ADGB: variants seen among roughly 807,000 people sequenced by gnomAD.
The protein encoded by ADGB is calpain-7-like protein.
Under a neutral mutation model 210.5 loss-of-function variants are expected in ADGB, and 172 were observed. That is an observed-to-expected ratio of 0.82 (90% CI 0.72 to 0.93). ADGB has a LOEUF of 0.93. Ranked by LOEUF, ADGB falls within the 40% of genes least tolerant of loss-of-function variation. ADGB has a pLI of 0.00. For missense variants in ADGB, 2,025 were observed against 1,964.8 expected (o/e 1.03, Z -0.58); for synonymous variants, 658 against 662.7 (o/e 0.99, Z 0.11).
At position 146,736,575 on chromosome 6, in the gene ADGB, G is replaced by A. The variant is rs1482019677; in HGVS notation, c.2872G>A (p.Ala958Thr). The change falls in exon 23 of 36, where the codon GCA becomes ACA. Residue 958 changes from alanine (A) to threonine (T), a missense_variant. Physicochemically the swap from Ala to Thr is moderately conservative, Grantham distance 58. Coordinates refer to ENST00000397944, the MANE Select transcript of ADGB (RefSeq NM_024694.4). ...ATTGGAAATGAATTTAGAACAGTATGCAGTTTCTCTCTTAAGGTAAAGCAG... is the reference window on the plus strand; with the variant it reads ...ATTGGAAATGAATTTAGAACAGTATACAGTTTCTCTCTTAAGGTAAAGCAG... ...AVLEMNLEQY[A>T]VSLLRLMFKS... is the part of the protein sequence containing the mutation. 2 of 1,547,492 alleles carry A rather than the reference G, an allele frequency of 1.3e-6. No homozygotes were observed. Among genetic ancestry groups the A allele is most frequent in the African/African-American group, 1.4e-5 (1 of 72,982 alleles).
intron 1 of ADGB, among the ~76,000 whole-genome samples, chr6:146,631,776 A>C (rs1402121773): frequency 6.6e-6 from 1 of 152,214 alleles, no homozygotes; most frequent in East Asian, 1.9e-4. Flanking sequence ...ATAAAAATGA[A>C]GCAATATGAA....
At chr6:146,664,407 AT>A in intron 6 of ADGB, 67 bp downstream of exon 6, 1 of 1,401,450 alleles carries the variant, frequency 7.1e-7, no homozygotes, top group Non-Finnish European at 9.4e-7. Context: ...ATACATTTGT[AT>A]TGCATAATTT....
At chr6:146,729,326 C>T (rs1776945409) in intron 20 of ADGB, among the ~76,000 whole-genome samples, 1 of 152,212 alleles carries the variant, frequency 6.6e-6, no homozygotes, top group South Asian at 2.1e-4. Context: ...ATTCTCTCTT[C>T]TTCAATTTTA....
Position 146,794,268 on chromosome 6 carries a change from T to G in ADGB, c.4537+5658T>G, listed in dbSNP as rs149758303. Among the ~76,000 whole-genome samples, 636 of 152,266 alleles carry G rather than the reference T, an allele frequency of 4.2e-3. 7 individuals are homozygous for G. The highest frequency in any genetic ancestry group is 0.015 in the African/African-American group (606 of 41,530). The stretch of plus-strand genomic sequence containing the variant: ...CTGGGTAGACAGAACTGGTTGTGTA[T>G]GTTAAAAAGGTTGTGAGTTTATTGT... On this transcript the variant is annotated intron_variant, in intron 33 of 35. Coordinates refer to ENST00000397944, the MANE Select transcript of ADGB (RefSeq NM_024694.4).
chr6:146,610,624 C>T (rs1780693473), intron 1 of ADGB, among the ~76,000 whole-genome samples: 1 of 152,160 alleles, frequency 6.6e-6, no homozygotes, highest in African/African-American at 2.4e-5. Flanking sequence ...CTAAGCTCAG[C>T]ACTCCTGAGC....
At chr6:146,622,395 G>A (rs1479949596) in intron 1 of ADGB, among the ~76,000 whole-genome samples, 1 of 151,612 alleles carries the variant, frequency 6.6e-6, no homozygotes, top group East Asian at 2.0e-4. Flanking sequence ...ACGTTTTTAT[G>A]ACAAGATCAG....
At chr6:146,637,189 T>A (rs1040521991) in intron 2 of ADGB, among the ~76,000 whole-genome samples, 1 of 151,946 alleles carries the variant, frequency 6.6e-6, no homozygotes, top group Non-Finnish European at 1.5e-5. Context: ...CTTTGTTTAT[T>A]TATTTTTTCC....
At chr6:146,809,863 T>C (rs548762747) in intron 35 of ADGB, among the ~76,000 whole-genome samples, 4 of 152,280 alleles carry the variant, frequency 2.6e-5, no homozygotes, top group African/African-American at 9.6e-5. Flanking sequence ...GCTTAGAAGA[T>C]TGCATACAGA....
At chr6:146,788,281 T>G in intron 32 of ADGB, 108 bp from the exon 33 acceptor site, 2 of 1,012,034 alleles carry the variant, frequency 2.0e-6, no homozygotes, top group Non-Finnish European at 3.0e-6. Context: ...TATAGAGCTT[T>G]TGAGTCATCT....
rs369931272 is a variant in ADGB, at chr6:146,635,443, G to A, written c.143G>A (p.Trp48Ter). The A allele has an allele frequency of 1.3e-6, 2 of 1,548,146 alleles. No homozygotes were observed. The highest frequency in any genetic ancestry group is 1.7e-6 in the Non-Finnish European group (2 of 1,145,180). ...CAAAAGAAGGGGAAATTCCCACTCT[G>A]GCCAGAGTGGAGTGAAGCTGACATA... ...TEQKKGKFPLWPEWSEADINS... is the reference protein window; with the variant it reads ...TEQKKGKFPL Residue 48 changes from tryptophan (W) to a stop codon, truncating the protein, a stop_gained, in exon 2 of 36, where the codon TGG becomes TAG. Transcript: ENST00000397944. LOFTEE classifies it high-confidence loss of function.
In ADGB at chr6:146,757,440, A is replaced by G. The variant is rs1477359017; in HGVS notation, c.3550+4726A>G. On this transcript the variant is annotated intron_variant, in intron 27 of 35. Transcript: ENST00000397944. ...CTGTTCCTTGACTGTTTAATTCTGC[A>G]TGGATCTTTGAACATACTCTATCTC... 4.6e-5 allele frequency among the ~76,000 whole-genome samples: 7 copies of G among 152,006 alleles called. No individual in the cohort carries two copies. In the East Asian group the frequency reaches 1.4e-3, roughly 29 times the overall value.
At chr6:146,776,934 C>A (rs1385534621) in intron 29 of ADGB, among the ~76,000 whole-genome samples, 1 of 151,946 alleles carries the variant, frequency 6.6e-6, no homozygotes, top group Non-Finnish European at 1.5e-5. Flanking sequence ...CCAGAATTCA[C>A]CTCTAGGTCA....
chr6:146,739,926 G>A (rs1280418520), intron 23 of ADGB, among the ~76,000 whole-genome samples: 1 of 152,228 alleles, frequency 6.6e-6, no homozygotes, highest in Non-Finnish European at 1.5e-5. Context: ...TAGTTTAGCA[G>A]TGTATGCTCT....
chr6:146,615,172 C>T (rs1374312476), intron 1 of ADGB, among the ~76,000 whole-genome samples: 17 of 152,022 alleles, frequency 1.1e-4, no homozygotes, highest in Non-Finnish European at 2.9e-5. Context: ...TCCCAAATTG[C>T]TGGGATTACA....
At chr6:146,611,543 C>A (rs1350869760) in intron 1 of ADGB, among the ~76,000 whole-genome samples, 3 of 152,152 alleles carry the variant, frequency 2.0e-5, no homozygotes, top group Non-Finnish European at 4.4e-5. Context: ...CAAGAGTGGA[C>A]CACTCCATGC....
At chr6:146,711,143 C>T (rs1776651236) in intron 13 of ADGB, among the ~76,000 whole-genome samples, 1 of 152,172 alleles carries the variant, frequency 6.6e-6, no homozygotes, top group Non-Finnish European at 1.5e-5. Flanking sequence ...TTGGTTGAAA[C>T]AACATTCCTG....
At chr6:146,613,213 G>A (rs984300297) in intron 1 of ADGB, among the ~76,000 whole-genome samples, 2 of 152,076 alleles carry the variant, frequency 1.3e-5, no homozygotes, top group Non-Finnish European at 1.5e-5. Flanking sequence ...AAGTTAAAAG[G>A]CCATTTAAAT....
chr6:146,650,429 G>A (rs1775683307), intron 3 of ADGB, among the ~76,000 whole-genome samples: 2 of 151,686 alleles, frequency 1.3e-5, no homozygotes, highest in Admixed American at 6.6e-5. Flanking sequence ...AAGTATTTGA[G>A]CTCTGACTTT....
At chr6:146,726,262 C>A in intron 19 of ADGB, 65 bp downstream of exon 19, 1 of 1,184,940 alleles carries the variant, frequency 8.4e-7, no homozygotes, top group Middle Eastern at 2.1e-4. Flanking sequence ...CGCACTGTTG[C>A]CAGGGCTGGA....
Sources: allele counts gnomAD v4.1 joint callset (sites outside exome capture counted in the v4.1 genomes callset), GRCh38; gene constraint gnomAD v4.1.1; transcripts MANE v1.5; gene names NCBI Gene and HGNC (gene_info 2026-07-23, HGNC 2026-07-21).